The following NAALADL2 variants were observed in gnomAD, a reference collection of about 807,000 sequenced individuals.
NAALADL2 encodes the protein inactive N-acetylated-alpha-linked acidic dipeptidase-like protein 2.
In NAALADL2, 76 loss-of-function variants were observed where a neutral mutation model predicts 87.2. The observed-to-expected ratio is 0.87, with a 90% confidence interval of 0.72 to 1.05. NAALADL2 has a LOEUF of 1.05. Ranked by LOEUF, NAALADL2 falls within the 50% of genes least tolerant of loss-of-function variation. NAALADL2 has a pLI of 0.00. For missense variants in NAALADL2, 1,089 were observed against 945.8 expected (o/e 1.15, Z -1.99); for synonymous variants, 354 against 331.0 (o/e 1.07, Z -0.75).
chr3:175,140,844 T>C (rs1344821471), intron 2 of NAALADL2, among the ~76,000 whole-genome samples: 1 of 152,110 alleles, frequency 6.6e-6, no homozygotes, highest in Non-Finnish European at 1.5e-5. Context: ...TGTATATAGG[T>C]GTGGTGACAC....
chr3:175,657,598 T>C (rs2149803214), intron 11 of NAALADL2, among the ~76,000 whole-genome samples: 1 of 151,840 alleles, frequency 6.6e-6, no homozygotes, highest in South Asian at 2.1e-4. Context: ...TTTTTTCTTT[T>C]GAGACGGAGT....
intron 1 of NAALADL2, among the ~76,000 whole-genome samples, chr3:175,067,473 A>G (rs1293132875): frequency 6.6e-6 from 1 of 152,180 alleles, no homozygotes; most frequent in African/African-American, 2.4e-5. Context: ...ATCAGCGGCC[A>G]ACAGACGTAT....
intron 1 of NAALADL2, among the ~76,000 whole-genome samples, chr3:174,977,674 A>T (rs1264214162): frequency 6.6e-6 from 1 of 152,166 alleles, no homozygotes; most frequent in African/African-American, 2.4e-5. Context: ...CCATACCAGG[A>T]TGGAACCCCA....
At chr3:175,096,553 TA>T (rs1721194487) in intron 1 of NAALADL2, among the ~76,000 whole-genome samples, 1 of 150,830 alleles carries the variant, frequency 6.6e-6, no homozygotes. Context: ...TGTTTTCTCA[TA>T]GCTTTCCCAC....
intron 1 of NAALADL2, among the ~76,000 whole-genome samples, chr3:175,052,300 A>C (rs1197550455): frequency 2.0e-5 from 3 of 152,188 alleles, no homozygotes; most frequent in Admixed American, 6.5e-5. Context: ...GGTGGGTGTC[A>C]TGGCCATCAT....
At chr3:174,989,557 GGGACAAATTTTAGTA>G (rs1451901593) in intron 1 of NAALADL2, among the ~76,000 whole-genome samples, 3 of 152,070 alleles carry the variant, frequency 2.0e-5, no homozygotes, top group Non-Finnish European at 4.4e-5. Flanking sequence ...TTGGTAGGTA[GGGACAAATTTTAGTA>G]GGACAAGGTG....
chr3:175,121,636 C>A (rs996236259), intron 2 of NAALADL2, among the ~76,000 whole-genome samples: 3 of 151,748 alleles, frequency 2.0e-5, no homozygotes, highest in African/African-American at 7.3e-5. Context: ...CATATTCATC[C>A]ACATCACACT....
At chr3:175,544,973 A>G (rs1170703083) in intron 9 of NAALADL2, among the ~76,000 whole-genome samples, 1 of 152,172 alleles carries the variant, frequency 6.6e-6, no homozygotes, top group Non-Finnish European at 1.5e-5. Flanking sequence ...AACACTCAAG[A>G]TTCTTTCGAT....
intron 1 of NAALADL2, among the ~76,000 whole-genome samples, chr3:174,934,417 C>G (rs994746646): frequency 6.6e-6 from 1 of 152,136 alleles, no homozygotes; most frequent in African/African-American, 2.4e-5. Flanking sequence ...CATTTCACAG[C>G]TGTTTTCAGT....
intron 1 of NAALADL2, among the ~76,000 whole-genome samples, chr3:174,903,554 T>A (rs1291877106): frequency 4.0e-5 from 6 of 151,480 alleles, no homozygotes; most frequent in Non-Finnish European, 8.8e-5. Context: ...CAACTCCTTT[T>A]CTTTGTATCT....
intron 2 of NAALADL2, among the ~76,000 whole-genome samples, chr3:174,694,815 T>C (rs1443774461): frequency 6.6e-6 from 1 of 151,776 alleles, no homozygotes; most frequent in East Asian, 1.9e-4. Flanking sequence ...AAATAAAATA[T>C]ATTAAAATAG....
At position 174,833,667 on chromosome 3, in the gene NAALADL2, A is replaced by G. The variant is rs186428455; in HGVS notation, c.-9+95921A>G. ...ACATACATATCATTAACAAAATACT[A>G]TCAAATTCAATGCAGCTATATATGA... On this transcript the variant is annotated intron_variant, in intron 3 of 3. Coordinates refer to the NAALADL2 transcript ENST00000434257. Among the ~76,000 whole-genome samples the G allele has an allele frequency of 2.5e-3, 385 of 152,258 alleles. 1 individual carries two copies. The highest frequency in any genetic ancestry group is 0.01 in the Middle Eastern group (3 of 294).
At chr3:175,146,846 A>T (rs1730821591) in intron 2 of NAALADL2, among the ~76,000 whole-genome samples, 1 of 152,060 alleles carries the variant, frequency 6.6e-6, no homozygotes, top group African/African-American at 2.4e-5. Context: ...AAATTTAATT[A>T]AATTACAATT....
intron 3 of NAALADL2, among the ~76,000 whole-genome samples, chr3:174,792,476 G>A (rs530901200): frequency 6.6e-6 from 1 of 152,260 alleles, no homozygotes; most frequent in South Asian, 2.1e-4. Context: ...AATGTGAAAT[G>A]TAAGAGCTCT....
chr3:174,467,292 C>T (rs752323116), intron 1 of NAALADL2, among the ~76,000 whole-genome samples: 18 of 152,016 alleles, frequency 1.2e-4, no homozygotes, highest in Non-Finnish European at 1.8e-4. Context: ...ATTGTAATAG[C>T]AAGGATTAGA....
chr3:175,372,138 T>C (rs2148953522), intron 5 of NAALADL2, among the ~76,000 whole-genome samples: 1 of 152,338 alleles, frequency 6.6e-6, no homozygotes. Flanking sequence ...TCATTTAGTG[T>C]AGCTGGCGTG....
At chr3:175,413,735 T>G (rs1714064679) in intron 5 of NAALADL2, among the ~76,000 whole-genome samples, 1 of 151,936 alleles carries the variant, frequency 6.6e-6, no homozygotes, top group Admixed American at 6.6e-5. Context: ...CAAATTAAAT[T>G]GCTCTGATCA....
chr3:175,511,345 G>A (rs144610432), intron 9 of NAALADL2, among the ~76,000 whole-genome samples: 1 of 152,178 alleles, frequency 6.6e-6, no homozygotes, highest in African/African-American at 2.4e-5. Flanking sequence ...AGCTGATTAA[G>A]TTAAAATGAG....
chr3:174,530,756 G>A (rs374524355), intron 1 of NAALADL2, among the ~76,000 whole-genome samples: 3 of 152,022 alleles, frequency 2.0e-5, no homozygotes, highest in African/African-American at 7.2e-5. Flanking sequence ...CCCCCCACCG[G>A]GTCCCTCCCA....
Sources: gnomAD v4.1 joint callset for allele counts (sites outside exome capture counted in the v4.1 genomes callset) on GRCh38, gnomAD v4.1.1 for gene constraint, MANE v1.5 for transcripts, NCBI Gene and HGNC (gene_info 2026-07-23, HGNC 2026-07-21) for gene names.